The following WWOX variants were observed in gnomAD, a reference collection of about 807,000 sequenced individuals.
WWOX encodes the protein WW domain containing oxidoreductase, also known as WW domain-containing oxidoreductase.
Under a neutral mutation model 46.2 loss-of-function variants are expected in WWOX, and 69 were observed. The observed-to-expected ratio is 1.49, with a 90% CI of 1.23 to 1.82. The LOEUF is 1.82. Ranked by LOEUF, WWOX falls within the 40% of genes most tolerant of loss-of-function variation. WWOX has a pLI of 0.00. For missense variants in WWOX, 919 were observed against 542.6 expected, an observed-to-expected ratio of 1.69 and a Z score of -6.89; for synonymous variants, 359 against 202.6, an observed-to-expected ratio of 1.77 and a Z score of -6.56.
rs376488280 is a variant in WWOX, at chr16:78,432,574, A to G, written c.878A>G (p.Tyr293Cys). The change falls in exon 8 of 9, where the codon TAT becomes TGT. Residue 293 changes from tyrosine to cysteine, a missense_variant. Physicochemically the swap from Tyr to Cys is radical, Grantham distance 194 (BLOSUM62 -2). Transcript: ENST00000566780. Reference protein sequence around the residue: ...TKNDYWAMLAYNRSKLCNILF... With the variant: ...TKNDYWAMLACNRSKLCNILF... ...AACGACTATTGGGCGATGCTGGCTT[A>G]TAACAGGTCCAAGCTCTGCAACATC... 1.4e-5 allele frequency: 23 copies of G among 1,614,066 alleles called. No homozygotes were observed. The highest frequency in any genetic ancestry group is 4.0e-5 in the African/African-American group (3 of 74,926).
chr16:78,517,301 C>T (rs1397671790), intron 8 of WWOX, among the ~76,000 whole-genome samples: 1 of 151,886 alleles, frequency 6.6e-6, no homozygotes, highest in Non-Finnish European at 1.5e-5. Context: ...AAACTAGGAA[C>T]TGTCACACAC....
chr16:78,976,487 A>G (rs2046574943), intron 8 of WWOX, among the ~76,000 whole-genome samples: 1 of 152,220 alleles, frequency 6.6e-6, no homozygotes, highest in East Asian at 1.9e-4. Flanking sequence ...TGACTGAGCA[A>G]GTAATTTCTG....
intron 8 of WWOX, among the ~76,000 whole-genome samples, chr16:78,541,438 C>T (rs2667640): frequency 0.55 from 74,298 of 134,586 alleles, 22,840 homozygotes; most frequent in Admixed American, 0.69. Context: ...CCCGCCACTG[C>T]ACTCCAGCCT....
chr16:78,911,894 G>T (rs545724715), intron 8 of WWOX, among the ~76,000 whole-genome samples: 15 of 152,000 alleles, frequency 9.9e-5, no homozygotes, highest in African/African-American at 3.1e-4. Flanking sequence ...AAACACCCCA[G>T]CTTCTATCAT....
chr16:79,140,872 A>G (rs2050076237), intron 8 of WWOX, among the ~76,000 whole-genome samples: 1 of 152,168 alleles, frequency 6.6e-6, no homozygotes, highest in Non-Finnish European at 1.5e-5. Flanking sequence ...CGTCAGTTTC[A>G]CACCTCTGTT....
At chr16:79,144,207 G>C (rs1196365317) in intron 8 of WWOX, among the ~76,000 whole-genome samples, 2 of 152,170 alleles carry the variant, frequency 1.3e-5, no homozygotes, top group African/African-American at 2.4e-5. Context: ...GCCAAGGTCA[G>C]CTTTTTCACT....
At chr16:78,968,186 A>G (rs1300248827) in intron 8 of WWOX, among the ~76,000 whole-genome samples, 1 of 151,986 alleles carries the variant, frequency 6.6e-6, no homozygotes, top group Non-Finnish European at 1.5e-5. Context: ...TGCGTGGCAC[A>G]GTGCGTGGTC....
intron 5 of WWOX, among the ~76,000 whole-genome samples, chr16:78,364,755 AC>A (rs1379925267): frequency 6.6e-6 from 1 of 152,172 alleles, no homozygotes; most frequent in Non-Finnish European, 1.5e-5. Context: ...TTAATGTGCT[AC>A]CCTGTGTATG....
Position 78,400,803 on chromosome 16 carries a change from A to G in WWOX, c.605+13855A>G, listed in dbSNP as rs890807925. ...ACACTGTTACCCCTCAATCAACACTACAATTCATATATCAGAATAGCACTT... is the reference window on the plus strand; with the variant it reads ...ACACTGTTACCCCTCAATCAACACTGCAATTCATATATCAGAATAGCACTT... On this transcript the variant is annotated intron_variant, in intron 6 of 8. Coordinates refer to ENST00000566780, the MANE Select transcript of WWOX (RefSeq NM_016373.4). Among the ~76,000 whole-genome samples the G allele has an allele frequency of 5.9e-5, 9 of 152,334 alleles. No individual in the cohort carries two copies. The East Asian group carries it at 7.7e-4, about 13-fold the overall frequency.
intron 8 of WWOX, among the ~76,000 whole-genome samples, chr16:78,751,397 C>G (rs1036964132): frequency 6.9e-6 from 1 of 144,490 alleles, no homozygotes; most frequent in Non-Finnish European, 1.5e-5. Context: ...TGCAACATAA[C>G]TGTAAGAATT....
intron 8 of WWOX, among the ~76,000 whole-genome samples, chr16:78,800,303 G>A (rs1301723425): frequency 1.3e-5 from 2 of 151,954 alleles, no homozygotes; most frequent in East Asian, 1.9e-4. Flanking sequence ...GCCAGGGCCT[G>A]TTTTTCTGTA....
At chr16:78,915,183 C>G (rs1308865813) in intron 8 of WWOX, among the ~76,000 whole-genome samples, 1 of 151,588 alleles carries the variant, frequency 6.6e-6, no homozygotes, top group Non-Finnish European at 1.5e-5. Flanking sequence ...CCCATTCACT[C>G]CACCACCACT....
chr16:78,861,485 C>A (rs764235293), intron 8 of WWOX, among the ~76,000 whole-genome samples: 1 of 152,146 alleles, frequency 6.6e-6, no homozygotes, highest in African/African-American at 2.4e-5. Flanking sequence ...TTATCTCTCT[C>A]CACCCACTTC....
chr16:78,690,376 C>T (rs188153397), intron 8 of WWOX, among the ~76,000 whole-genome samples: 1 of 152,034 alleles, frequency 6.6e-6, no homozygotes, highest in South Asian at 2.1e-4. Flanking sequence ...CACAGTGAGA[C>T]CCCGTATCTA....
At chr16:78,822,126 T>G (rs1246494730) in intron 8 of WWOX, among the ~76,000 whole-genome samples, 1 of 152,176 alleles carries the variant, frequency 6.6e-6, no homozygotes, top group African/African-American at 2.4e-5. Flanking sequence ...TCCTCTTGCC[T>G]TGGCCTCCCA....
intron 8 of WWOX, chr16:78,534,591 A>C (rs954536099): frequency 3.3e-5 from 5 of 152,236 alleles, no homozygotes; most frequent in African/African-American, 1.2e-4. Context: ...AAGGTGAAAT[A>C]TAGGGAAGAT....
intron 5 of WWOX, among the ~76,000 whole-genome samples, chr16:78,260,783 AC>A (rs1197015062): frequency 9.3e-5 from 14 of 150,074 alleles, no homozygotes; most frequent in African/African-American, 3.5e-4. Flanking sequence ...TACCAAACAT[AC>A]AAAAATTAGC....
chr16:78,154,476 A>G (rs935083357), intron 4 of WWOX, among the ~76,000 whole-genome samples: 6 of 135,540 alleles, frequency 4.4e-5, no homozygotes, highest in African/African-American at 1.4e-4. Flanking sequence ...TTGCTCCCCA[A>G]TCCTTGATCT....
intron 5 of WWOX, among the ~76,000 whole-genome samples, chr16:78,324,943 C>G (rs528882996): frequency 6.6e-6 from 1 of 152,100 alleles, no homozygotes; most frequent in Non-Finnish European, 1.5e-5. Context: ...CTCAATAAAG[C>G]TGTTAAAAAA....
Sources: allele counts gnomAD v4.1 joint callset (sites outside exome capture counted in the v4.1 genomes callset), GRCh38; gene constraint gnomAD v4.1.1; transcripts MANE v1.5; gene names NCBI Gene and HGNC (gene_info 2026-07-23, HGNC 2026-07-21).